Variants in KIF3B observed in about 807,000 individuals in gnomAD.
The protein encoded by KIF3B is kinesin-like protein KIF3B.
KIF3B carries 38 observed loss-of-function variants against 74.3 expected under a neutral mutation model. The observed-to-expected ratio is 0.51, with a 90% CI of 0.39 to 0.67. The LOEUF (loss-of-function observed/expected upper bound fraction) is 0.67, where lower values mean the gene tolerates loss of function less well. Ranked by LOEUF, KIF3B falls within the 30% of genes least tolerant of loss-of-function variation. The pLI, the probability that KIF3B is intolerant of heterozygous loss-of-function variation, is 0.00. For synonymous variants in KIF3B, 326 were observed against 342.5 expected (o/e 0.95, Z 0.53); for missense variants, 649 against 932.0 (o/e 0.70, Z 3.95).
intron 2 of KIF3B, among the ~76,000 whole-genome samples, chr20:32,312,108 T>TTTTC (rs1227228094): frequency 9.1e-5 from 13 of 143,064 alleles, no homozygotes; most frequent in African/African-American, 1.7e-4. Context: ...CGGCTTTTTT[T>TTTTC]TTTCTTTCTT....
chr20:32,329,713 T>G (rs1368992034), intron 7 of KIF3B, among the ~76,000 whole-genome samples: 1 of 152,208 alleles, frequency 6.6e-6, no homozygotes, highest in African/African-American at 2.4e-5. Flanking sequence ...TATATTGAAA[T>G]GTAAACTGTT....
Position 32,309,690 on chromosome 20 carries a change from A to G in KIF3B, c.-65-23A>G, listed in dbSNP as rs550092115. On this transcript the variant is annotated intron_variant, in intron 1 of 8. Transcript: ENST00000375712. ...CTGCAATGACAACGGTACTGTGCTT[A>G]TTTACTTTTGCTTTTTCTCTAGGAC... 2,041 of 1,459,932 alleles carry G rather than the reference A, an allele frequency of 1.4e-3. 3 individuals carry two copies. Among genetic ancestry groups the G allele is most frequent in the South Asian group, 3.6e-3 (261 of 73,308 alleles). The allele number at this position is 1,459,932 out of a possible 1,614,324, so 90.4% of individuals were successfully genotyped here.
rs2047622332 is a variant in KIF3B, at chr20:32,277,698, TCGCCGCCCCCGCCGCCGC to T, written c.-125_-108del. 1.5e-5 allele frequency: 4 copies of T among 260,138 alleles called. No individual in the cohort carries two copies. Among genetic ancestry groups the T allele is most frequent in the South Asian group, 2.3e-4 (2 of 8,542 alleles). The allele number at this position is 260,138 out of a possible 1,614,324, so 16.1% of individuals were successfully genotyped here. A position where few individuals can be genotyped will look rare whatever the true frequency, so the allele number is the denominator to read the frequency against. On this transcript the variant is annotated 5_prime_UTR_variant, in exon 1 of 9. Coordinates refer to ENST00000375712, the MANE Select transcript of KIF3B (RefSeq NM_004798.4). ...AGCGGGGAATGGCTGAGCCAGGGGT[TCGCCGCCCCCGCCGCCGC>T]CGCCGCCGCCGCCGCCGCCGCCGCC...
intron 1 of KIF3B, among the ~76,000 whole-genome samples, chr20:32,286,803 T>G (rs2047669173): frequency 6.6e-6 from 1 of 152,210 alleles, no homozygotes; most frequent in African/African-American, 2.4e-5. Context: ...CATTTAAACA[T>G]TATGAGTAAT....
chr20:32,300,303 A>T (rs2047737197), intron 1 of KIF3B, among the ~76,000 whole-genome samples: 1 of 151,146 alleles, frequency 6.6e-6, no homozygotes. Context: ...TTTGAGACAG[A>T]GTCTCTCTCT....
At chr20:32,322,895 C>G (rs1378174332) in intron 5 of KIF3B, among the ~76,000 whole-genome samples, 1 of 61,874 alleles carries the variant, frequency 1.6e-5, no homozygotes, top group Non-Finnish European at 2.6e-5. Flanking sequence ...TATTTATATA[C>G]ATATTCATAT....
chr20:32,292,246 C>A (rs2047695369), intron 1 of KIF3B, among the ~76,000 whole-genome samples: 1 of 152,044 alleles, frequency 6.6e-6, no homozygotes. Flanking sequence ...GGTCCTTGTA[C>A]ATTTCTTAAC....
Position 32,332,465 on chromosome 20 carries a change from C to T in KIF3B, c.*1146C>T, listed in dbSNP as rs541178699. On this transcript the variant is annotated 3_prime_UTR_variant, in exon 9 of 9. Coordinates refer to ENST00000375712, the MANE Select transcript of KIF3B (RefSeq NM_004798.4). ...CACCGAATCCTAGAACTGTGGCTCC[C>T]TCCAGGCAGAGCCTAAGATGCTGGT... is the stretch of plus-strand genomic sequence containing the variant. The T allele has an allele frequency of 6.6e-6, 1 of 152,374 alleles. No individual in the cohort carries two copies. The highest frequency in any genetic ancestry group is 1.9e-4 in the East Asian group (1 of 5,188). 9.4% of individuals were successfully genotyped at this position (152,374 alleles called of 1,614,324 possible).
In KIF3B at chr20:32,320,854, A is replaced by T. The variant is rs2047856501; in HGVS notation, c.1748+3980A>T. On this transcript the variant is annotated intron_variant, in intron 5 of 8. Coordinates refer to ENST00000375712, the MANE Select transcript of KIF3B (RefSeq NM_004798.4). ...ATTTTATTTATCCATTCATTATTTG[A>T]TGGACATTTGGGTTATTTCTACTTT... Among the ~76,000 whole-genome samples, 3 of 151,976 alleles carry T rather than the reference A, an allele frequency of 2.0e-5. No individual in the cohort carries two copies. The South Asian group carries it at 6.2e-4, about 31-fold the overall frequency.
chr20:32,305,570 C>CTTTTTTTTTTT lies in KIF3B; in HGVS notation c.-65-4130_-65-4120dup, dbSNP rs869049527. On this transcript the variant is annotated intron_variant, in intron 1 of 8. Transcript: ENST00000375712. The stretch of plus-strand genomic sequence containing the variant: ...TTATAAAATTTTAACACTCCCCCAC[C>CTTTTTTTTTTT]TTTTTTTTTTTTTTTTTTTTTTTGT... Among the ~76,000 whole-genome samples, 46 of 86,900 alleles carry CTTTTTTTTTTT rather than the reference C, an allele frequency of 5.3e-4. 1 individual carries two copies. Among genetic ancestry groups the CTTTTTTTTTTT allele is most frequent in the African/African-American group, 1.2e-3 (24 of 19,410 alleles). 57.0% of individuals were successfully genotyped at this position (86,900 alleles called of 152,430 possible). A position where few individuals can be genotyped will look rare whatever the true frequency, so the allele number is the denominator to read the frequency against.
chr20:32,294,904 T>C (rs1233539170), intron 1 of KIF3B, among the ~76,000 whole-genome samples: 1 of 152,170 alleles, frequency 6.6e-6, no homozygotes, highest in African/African-American at 2.4e-5. Context: ...ATATTGCCCA[T>C]ATCTAAATAC....
chr20:32,325,992 T>C (rs79936401), intron 5 of KIF3B, among the ~76,000 whole-genome samples: 3,811 of 152,164 alleles, frequency 0.025, 118 homozygotes, highest in Admixed American at 0.087. Flanking sequence ...ATCTTTTGAG[T>C]AAACAGTGAG....
intron 1 of KIF3B, among the ~76,000 whole-genome samples, chr20:32,282,692 G>T (rs1287121682): frequency 1.3e-5 from 2 of 152,190 alleles, no homozygotes; most frequent in African/African-American, 2.4e-5. Flanking sequence ...TTGGCTGAGG[G>T]AGCCTGGCCA....
chr20:32,314,389 A>C (rs2047816891), intron 2 of KIF3B, among the ~76,000 whole-genome samples: 1 of 152,076 alleles, frequency 6.6e-6, no homozygotes, highest in Admixed American at 6.5e-5. Context: ...AGAATACAAA[A>C]ATTAGCTGGG....
Position 32,325,664 on chromosome 20 carries a change from T to C in KIF3B, c.1749-1107T>C, listed in dbSNP as rs1430839567. On this transcript the variant is annotated intron_variant, in intron 5 of 8. Coordinates refer to ENST00000375712, the MANE Select transcript of KIF3B (RefSeq NM_004798.4). ...ATCTCTCTCTCTCTCTCTTTTTTTT[T>C]TTTTTTTTTTTTTTTTTTTTTGAGA... is the stretch of plus-strand genomic sequence containing the variant. Among the ~76,000 whole-genome samples the C allele has an allele frequency of 2.4e-4, 20 of 82,272 alleles. No individual in the cohort carries two copies. The South Asian group carries it at 5.7e-3, about 23-fold the overall frequency. 54.0% of individuals were successfully genotyped at this position (82,272 alleles called of 152,430 possible).
intron 1 of KIF3B, among the ~76,000 whole-genome samples, chr20:32,305,570 C>CTTTTTTTTTTTTTTTTTTT (rs869049527): frequency 1.2e-5 from 1 of 86,872 alleles, no homozygotes; most frequent in Non-Finnish European, 2.1e-5. Flanking sequence ...ACTCCCCCAC[C>CTTTTTTTTTTTTTTTTTTT]TTTTTTTTTT....
At position 32,333,649 on chromosome 20, in the gene KIF3B, A is replaced by AC. The variant is rs2047941662; in HGVS notation, c.*2330_*2331insC. The AC allele has an allele frequency of 6.6e-6, 1 of 151,388 alleles. No homozygotes were observed. Among genetic ancestry groups the AC allele is most frequent in the Non-Finnish European group, 1.5e-5 (1 of 68,142 alleles). The allele number at this position is 151,388 out of a possible 1,614,324, so 9.4% of individuals were successfully genotyped here. A position where few individuals can be genotyped will look rare whatever the true frequency, so the allele number is the denominator to read the frequency against. On this transcript the variant is annotated 3_prime_UTR_variant, in exon 9 of 9. Transcript: ENST00000375712. ...CTCCCCCTCAAAAAAAAAAAAAAAA[A>AC]AAAAAAAAACAGAAAGAAAGAAAAA...
At chr20:32,314,272 G>T (rs918295463) in intron 2 of KIF3B, among the ~76,000 whole-genome samples, 2 of 152,026 alleles carry the variant, frequency 1.3e-5, no homozygotes, top group African/African-American at 4.8e-5. Flanking sequence ...GGGCGCGGTG[G>T]CTCACGCCTG....
At chr20:32,295,484 G>A (rs187027753) in intron 1 of KIF3B, among the ~76,000 whole-genome samples, 16 of 152,008 alleles carry the variant, frequency 1.1e-4, no homozygotes, top group African/African-American at 3.4e-4. Context: ...TAGTAGAGAC[G>A]GGGTTTCACC....
Sources: gnomAD v4.1 joint callset for allele counts (sites outside exome capture counted in the v4.1 genomes callset) on GRCh38, gnomAD v4.1.1 for gene constraint, MANE v1.5 for transcripts, NCBI Gene and HGNC (gene_info 2026-07-23, HGNC 2026-07-21) for gene names.